CEP128: variants seen among roughly 807,000 people sequenced by gnomAD.
CEP128 encodes centrosomal protein 128kDa.
Under a neutral mutation model 156.7 loss-of-function variants are expected in CEP128, and 132 were observed. That is an observed-to-expected ratio of 0.84 (90% CI 0.73 to 0.97). The LOEUF (loss-of-function observed/expected upper bound fraction) is 0.97, where lower values mean the gene tolerates loss of function less well. CEP128 is among the 50% of genes least tolerant of loss of function. CEP128 has a pLI of 0.00. For missense variants in CEP128, 1,252 were observed against 1,281.9 expected, an observed-to-expected ratio of 0.98 and a Z score of 0.36; for synonymous variants, 469 against 448.9, an observed-to-expected ratio of 1.04 and a Z score of -0.57.
At chr14:80,764,757 T>C (rs1359514358) in intron 16 of CEP128, among the ~76,000 whole-genome samples, 4 of 152,222 alleles carry the variant, frequency 2.6e-5, no homozygotes, top group African/African-American at 9.6e-5. Flanking sequence ...GACAAAGCTG[T>C]AAACTCTCTC....
chr14:80,956,027 A>C (rs538983320), intron 2 of CEP128: 23 of 735,228 alleles, frequency 3.1e-5, no homozygotes, highest in Non-Finnish European at 5.3e-5. Flanking sequence ...AATCGCCCAC[A>C]CTTGGGAAGG....
chr14:80,871,211 C>T (rs897107403), intron 8 of CEP128, among the ~76,000 whole-genome samples: 2 of 151,852 alleles, frequency 1.3e-5, no homozygotes, highest in Non-Finnish European at 2.9e-5. Context: ...ATTTTTAAAC[C>T]TGGAGGAATA....
chr14:80,625,256 TG>T (rs1465199429), intron 19 of CEP128, among the ~76,000 whole-genome samples: 2 of 152,190 alleles, frequency 1.3e-5, no homozygotes, highest in Non-Finnish European at 2.9e-5. Flanking sequence ...ATCAGTTAGT[TG>T]TAAATGTGTG....
chr14:80,548,467 A>G (rs1890079108), intron 21 of CEP128, among the ~76,000 whole-genome samples: 1 of 152,182 alleles, frequency 6.6e-6, no homozygotes, highest in Admixed American at 6.5e-5. Flanking sequence ...TTTTATGGTT[A>G]AGTTAGGATC....
chr14:80,955,389 C>G (rs1000413329), intron 2 of CEP128: 53 of 516,532 alleles, frequency 1.0e-4, no homozygotes, highest in African/African-American at 8.2e-4. Flanking sequence ...ACAGCCAGGA[C>G]TGGTGTTGGG....
At chr14:80,882,437 T>C (rs369208307) in intron 8 of CEP128, among the ~76,000 whole-genome samples, 38 of 152,072 alleles carry the variant, frequency 2.5e-4, no homozygotes, top group African/African-American at 7.7e-4. Context: ...GGTGAGGGTA[T>C]GGAAAAAAAG....
At chr14:80,940,454 G>A (rs997392360) in intron 1 of CEP128, among the ~76,000 whole-genome samples, 1 of 152,152 alleles carries the variant, frequency 6.6e-6, no homozygotes, top group African/African-American at 2.4e-5. Context: ...GCTCTTGCCA[G>A]GTCAAACTGA....
intron 19 of CEP128, among the ~76,000 whole-genome samples, chr14:80,720,968 G>A (rs888809079): frequency 2.0e-5 from 3 of 152,046 alleles, no homozygotes; most frequent in African/African-American, 7.2e-5. Context: ...TCCTTGAGTT[G>A]TTCATCTTTC....
chr14:80,811,755 AC>A, intron 13 of CEP128, among the ~76,000 whole-genome samples: 1 of 150,346 alleles, frequency 6.7e-6, no homozygotes, highest in Non-Finnish European at 1.5e-5. Flanking sequence ...TAGACAGGTA[AC>A]AGTCCTTTGG....
chr14:80,823,417 C>T (rs1335391849), intron 13 of CEP128, among the ~76,000 whole-genome samples: 1 of 152,222 alleles, frequency 6.6e-6, no homozygotes, highest in East Asian at 1.9e-4. Flanking sequence ...TCTAAACTTT[C>T]CCTGTTCAGA....
chr14:80,733,500 T>A (rs980671259), intron 19 of CEP128, among the ~76,000 whole-genome samples: 2 of 152,162 alleles, frequency 1.3e-5, no homozygotes, highest in East Asian at 3.9e-4. Context: ...GACAAACAGC[T>A]AAGAAAAACT....
In CEP128 at chr14:80,536,278, C is replaced by T. The variant is rs555591425; in HGVS notation, c.2881-5392G>A. On this transcript the variant is annotated intron_variant, in intron 21 of 24. Coordinates refer to ENST00000555265, the MANE Select transcript of CEP128 (RefSeq NM_152446.5). ...TAAATATATTTTAGTATTTATACTGCTCTTTGAAAAAAAATGCACATTTAT... is the reference window on the plus strand; with the variant it reads ...TAAATATATTTTAGTATTTATACTGTTCTTTGAAAAAAAATGCACATTTAT... Among the ~76,000 whole-genome samples the T allele has an allele frequency of 2.6e-5, 4 of 152,008 alleles. No individual in the cohort carries two copies. In the East Asian group the frequency reaches 5.8e-4, roughly 22 times the overall value.
chr14:80,758,922 T>C lies in CEP128; in HGVS notation c.2554-1971A>G, dbSNP rs1899815788. Among the ~76,000 whole-genome samples, 3 of 152,296 alleles carry C rather than the reference T, an allele frequency of 2.0e-5. No individual in the cohort carries two copies. The South Asian group carries it at 6.2e-4, about 32-fold the overall frequency. ...TTATCCAAGGTCATATATTAGAAAT[T>C]TGCAATGACTTCCAATATGAACCTA... On this transcript the variant is annotated intron_variant, in intron 17 of 24. Transcript: ENST00000555265.
At chr14:80,749,903 G>T (rs1899302156) in intron 18 of CEP128, among the ~76,000 whole-genome samples, 1 of 151,830 alleles carries the variant, frequency 6.6e-6, no homozygotes, top group African/African-American at 2.4e-5. Flanking sequence ...AAACAACTTT[G>T]GCAAACAAAA....
intron 19 of CEP128, among the ~76,000 whole-genome samples, chr14:80,604,315 G>A (rs1393405625): frequency 6.6e-6 from 1 of 152,126 alleles, no homozygotes; most frequent in Admixed American, 6.5e-5. Flanking sequence ...AGTATTCTAG[G>A]GATATGCCTG....
At chr14:80,732,489 TG>T (rs1898324087) in intron 19 of CEP128, among the ~76,000 whole-genome samples, 1 of 149,212 alleles carries the variant, frequency 6.7e-6, no homozygotes, top group Non-Finnish European at 1.5e-5. Context: ...TGTGTGTGTG[TG>T]TGTGTGTGTG....
intron 19 of CEP128, among the ~76,000 whole-genome samples, chr14:80,697,048 T>C (rs1896915856): frequency 1.3e-5 from 2 of 152,154 alleles, no homozygotes; most frequent in African/African-American, 4.8e-5. Context: ...ATCCTGTTAG[T>C]AGACGGTGTA....
At chr14:80,601,704 G>C (rs2140533180) in intron 19 of CEP128, among the ~76,000 whole-genome samples, 1 of 152,214 alleles carries the variant, frequency 6.6e-6, no homozygotes, top group Admixed American at 6.5e-5. Context: ...ACAATACTAA[G>C]TATTTGTATA....
At chr14:80,614,337 T>C (rs1344234100) in intron 19 of CEP128, among the ~76,000 whole-genome samples, 1 of 152,194 alleles carries the variant, frequency 6.6e-6, no homozygotes, top group Non-Finnish European at 1.5e-5. Context: ...CTGCAGCATT[T>C]GATACTGCTG....
Sources: gnomAD v4.1 joint callset for allele counts (sites outside exome capture counted in the v4.1 genomes callset) on GRCh38, gnomAD v4.1.1 for gene constraint, MANE v1.5 for transcripts, NCBI Gene and HGNC (gene_info 2026-07-23, HGNC 2026-07-21) for gene names.